The following PLEKHA7 variants were observed in gnomAD, a reference collection of about 807,000 sequenced individuals.
The protein encoded by PLEKHA7 is pleckstrin homology domain-containing family A member 7.
PLEKHA7 carries 104 observed loss-of-function variants against 170.0 expected under a neutral mutation model. The observed-to-expected ratio is 0.61, with a 90% CI of 0.52 to 0.72. PLEKHA7 has a LOEUF of 0.72. PLEKHA7 is among the 30% of genes least tolerant of loss of function. PLEKHA7 has a pLI of 0.00. For missense variants in PLEKHA7, 1,615 were observed against 1,671.7 expected, an observed-to-expected ratio of 0.97 and a Z score of 0.59; for synonymous variants, 648 against 660.8, an observed-to-expected ratio of 0.98 and a Z score of 0.30.
intron 3 of PLEKHA7, among the ~76,000 whole-genome samples, chr11:16,948,734 G>A (rs1056359195): frequency 1.3e-5 from 2 of 152,146 alleles, no homozygotes; most frequent in Non-Finnish European, 2.9e-5. Context: ...AAGCACAGAA[G>A]CTTGAAGCAA....
At position 16,817,288 on chromosome 11, in the gene PLEKHA7, G is replaced by T; in HGVS notation, c.1378C>A (p.Pro460Thr). 3 of 1,612,654 alleles carry T rather than the reference G, an allele frequency of 1.9e-6. No homozygotes were observed. Among genetic ancestry groups the T allele is most frequent in the Non-Finnish European group, 2.5e-6 (3 of 1,179,946 alleles). ...TCTGGGAAGGACAGGGATTGGCCAGGACCCTGGCGAGGAAGCGTCTGGTCC... is the reference window on the plus strand; with the variant it reads ...TCTGGGAAGGACAGGGATTGGCCAGTACCCTGGCGAGGAAGCGTCTGGTCC... ...PLDQTLPRQG[P>T]GQSLSFPENY... is the part of the protein sequence containing the mutation. The change falls in exon 11 of 27, where the codon CCT (proline) becomes ACT (threonine). Residue 460 changes from proline to threonine, a missense_variant. Transcript: ENST00000531066. The surrounding 1 kb of genome is among the most constrained non-coding windows in gnomAD (Gnocchi z 4.4).
chr11:16,835,690 C>A (rs1851458280), intron 9 of PLEKHA7, among the ~76,000 whole-genome samples: 1 of 152,186 alleles, frequency 6.6e-6, no homozygotes, highest in African/African-American at 2.4e-5. Flanking sequence ...GTTTCAAAAG[C>A]ATGCATAATT....
intron 17 of PLEKHA7, chr11:16,795,228 TAGCTTTCAGCAGTCC>T: frequency 1.8e-6 from 1 of 552,352 alleles, no homozygotes; most frequent in Admixed American, 3.1e-5. Flanking sequence ...AATTTCAGAG[TAGCTTTCAGCAGTCC>T]AGCTTGCCTA....
In PLEKHA7 at chr11:17,014,205, C is replaced by T. The variant is rs1565210267; in HGVS notation, c.87-4G>A. 3 of 1,572,354 alleles carry T rather than the reference C, an allele frequency of 1.9e-6. No homozygotes were observed. The highest frequency in any genetic ancestry group is 1.4e-5 in the African/African-American group (1 of 71,166). Reference sequence around the variant, plus strand: ...GGTCGTGCAGCGGAGCTGGTCACTGCGGGCAGAGAGGTGCACCTGTTAGCG... The same window carrying T: ...GGTCGTGCAGCGGAGCTGGTCACTGTGGGCAGAGAGGTGCACCTGTTAGCG... On this transcript the variant is annotated splice_polypyrimidine_tract_variant and splice_region_variant and intron_variant, in intron 1 of 26. Coordinates refer to ENST00000531066, the MANE Select transcript of PLEKHA7 (RefSeq NM_001329630.2).
chr11:16,950,281 T>A (rs1018636656), intron 3 of PLEKHA7, among the ~76,000 whole-genome samples: 9 of 152,040 alleles, frequency 5.9e-5, no homozygotes, highest in Non-Finnish European at 1.0e-4. Context: ...AGTCTCAAAT[T>A]AAGGCATACT....
chr11:16,952,794 G>A (rs980602366), intron 3 of PLEKHA7, among the ~76,000 whole-genome samples: 2 of 152,120 alleles, frequency 1.3e-5, no homozygotes, highest in African/African-American at 4.8e-5. Flanking sequence ...AAAGTTCCAG[G>A]TTACAGATTT....
At chr11:16,997,739 C>T (rs1864427554) in intron 3 of PLEKHA7, among the ~76,000 whole-genome samples, 1 of 152,172 alleles carries the variant, frequency 6.6e-6, no homozygotes, top group Non-Finnish European at 1.5e-5. Context: ...TCCTACTAAA[C>T]CCAAAAGGGG....
intron 3 of PLEKHA7, among the ~76,000 whole-genome samples, chr11:16,896,163 A>G (rs181203395): frequency 2.1e-3 from 327 of 152,306 alleles, no homozygotes; most frequent in Middle Eastern, 6.8e-3. Context: ...CCAACTGTCT[A>G]TTAGACACTT....
In PLEKHA7 at chr11:17,011,682, T is replaced by C. The variant is rs72632983; in HGVS notation, c.221+2307A>G. On this transcript the variant is annotated intron_variant, in intron 3 of 26. Coordinates refer to ENST00000531066, the MANE Select transcript of PLEKHA7 (RefSeq NM_001329630.2). ...TTTGACCATCCAAAGCCTCAGAACA[T>C]CTCTCTTCTGTCTGTACTCTCTTCC... Among the ~76,000 whole-genome samples, 1,744 of 152,082 alleles carry C rather than the reference T, an allele frequency of 0.011. 223 individuals are homozygous for C. In the East Asian group the frequency reaches 0.27, roughly 24 times the overall value.
intron 8 of PLEKHA7, among the ~76,000 whole-genome samples, chr11:16,847,103 T>C (rs1447663197): frequency 5.0e-5 from 7 of 139,586 alleles, no homozygotes; most frequent in East Asian, 2.1e-4. Flanking sequence ...TTTTTTTTTT[T>C]TTTTTTTTTT....
intron 3 of PLEKHA7, among the ~76,000 whole-genome samples, chr11:16,938,905 T>C (rs528338716): frequency 9.2e-5 from 14 of 152,364 alleles, no homozygotes; most frequent in African/African-American, 2.9e-4. Flanking sequence ...TACCCTTCTC[T>C]GGTCCTTGCT....
intron 3 of PLEKHA7, among the ~76,000 whole-genome samples, chr11:16,957,412 A>T (rs897891836): frequency 6.6e-6 from 1 of 152,242 alleles, no homozygotes; most frequent in Non-Finnish European, 1.5e-5. Context: ...AAGCATATCC[A>T]GCAGCCATTA....
At chr11:16,847,222 G>A (rs1293232837) in intron 8 of PLEKHA7, among the ~76,000 whole-genome samples, 3 of 148,222 alleles carry the variant, frequency 2.0e-5, no homozygotes, top group Admixed American at 6.8e-5. Flanking sequence ...TCAGCCTCAC[G>A]AGCAGCTGGG....
At chr11:16,887,376 CGGTCTGCCTCTCCCTCTCCCCA>C (rs1856204842) in intron 3 of PLEKHA7, among the ~76,000 whole-genome samples, 1 of 150,924 alleles carries the variant, frequency 6.6e-6, no homozygotes, top group South Asian at 2.1e-4. Context: ...CCTCTCCCCA[CGGTCTGCCTCTCCCTCTCCCCA>C]CGGTCTCCCT....
intron 7 of PLEKHA7, 25 bp downstream of exon 7, chr11:16,852,258 G>A: frequency 1.2e-6 from 2 of 1,608,110 alleles, no homozygotes. Context: ...ACTTCGGCAG[G>A]GTAATAGGCT....
At position 16,926,248 on chromosome 11, in the gene PLEKHA7, C is replaced by A. The variant is rs548842465; in HGVS notation, c.222-55066G>T. Among the ~76,000 whole-genome samples, 47 of 152,352 alleles carry A rather than the reference C, an allele frequency of 3.1e-4. 1 individual carries two copies. The highest frequency in any genetic ancestry group is 3.4e-3 in the Middle Eastern group (1 of 294). Reference sequence around the variant, plus strand: ...CAGGCACCCAGCGAAGGAGACCATACCCTCTGGCTTGTCTCTGCCCTCGCA... The same window carrying A: ...CAGGCACCCAGCGAAGGAGACCATAACCTCTGGCTTGTCTCTGCCCTCGCA... On this transcript the variant is annotated intron_variant, in intron 3 of 26. Coordinates refer to ENST00000531066, the MANE Select transcript of PLEKHA7 (RefSeq NM_001329630.2).
intron 3 of PLEKHA7, among the ~76,000 whole-genome samples, chr11:16,929,463 C>A (rs1272720265): frequency 6.6e-6 from 1 of 152,162 alleles, no homozygotes; most frequent in Non-Finnish European, 1.5e-5. Context: ...TCCTAAGAAC[C>A]CAAAACTGTT....
chr11:16,869,389 G>A lies in PLEKHA7; in HGVS notation c.305+1710C>T, dbSNP rs747894719. On this transcript the variant is annotated intron_variant, in intron 4 of 26. Transcript: ENST00000531066. ...CCTTGAAGCCTGGCTAACCTGGGAC[G>A]GCATCTTGGCTCTCCTAAGCTGTGT... is the stretch of plus-strand genomic sequence containing the variant. 1.4e-4 allele frequency among the ~76,000 whole-genome samples: 22 copies of A among 152,204 alleles called. 1 individual carries two copies. Among genetic ancestry groups the A allele is most frequent in the Admixed American group, 3.9e-4 (6 of 15,276 alleles).
chr11:17,013,958 A>G (rs1236663627), intron 3 of PLEKHA7, 31 bp downstream of exon 3: 1 of 1,519,810 alleles, frequency 6.6e-7, no homozygotes, highest in Non-Finnish European at 8.8e-7. Context: ...CCCGCGGCAC[A>G]GGTGCGAGCG....
Sources: allele counts gnomAD v4.1 joint callset (sites outside exome capture counted in the v4.1 genomes callset), GRCh38; gene constraint gnomAD v4.1.1; non-coding constraint Gnocchi (gnomAD v3.1); transcripts MANE v1.5; gene names NCBI Gene and HGNC (gene_info 2026-07-23, HGNC 2026-07-21).